Variants in ETV1 observed in about 807,000 individuals in gnomAD.
ETV1 encodes ETS variant transcription factor 1.
A neutral mutation model predicts 62.3 loss-of-function variants in ETV1; 27 were observed. The ratio of observed to expected loss-of-function variants is 0.43; its 90% confidence interval spans 0.32 to 0.60. ETV1 has a LOEUF of 0.60. ETV1 is among the 20% of genes least tolerant of loss of function. The pLI is 0.06. For synonymous variants in ETV1, 222 were observed against 199.6 expected (o/e 1.11, Z -0.94); for missense variants, 605 against 605.8 (o/e 1.00, Z 0.01).
At chr7:13,979,831 T>C (rs1781813816) in intron 5 of ETV1, among the ~76,000 whole-genome samples, 1 of 152,042 alleles carries the variant, frequency 6.6e-6, no homozygotes, top group African/African-American at 2.4e-5. Flanking sequence ...GTTCTAAAGG[T>C]CTTTTGTTTG....
chr7:13,947,405 AAAAC>A (rs1320970131), intron 6 of ETV1, among the ~76,000 whole-genome samples: 1 of 151,788 alleles, frequency 6.6e-6, no homozygotes, highest in Admixed American at 6.6e-5. Flanking sequence ...AAAAAAAAAA[AAAAC>A]AAACTCAAAC....
chr7:13,900,076 C>G (rs1175908492), intron 13 of ETV1, among the ~76,000 whole-genome samples: 3 of 152,196 alleles, frequency 2.0e-5, no homozygotes. Context: ...TTGCAGTGAA[C>G]CAAGATCACG....
At chr7:13,916,688 G>C (rs1482454710) in intron 9 of ETV1, among the ~76,000 whole-genome samples, 3 of 152,104 alleles carry the variant, frequency 2.0e-5, no homozygotes, top group Non-Finnish European at 4.4e-5. Flanking sequence ...TGGCACTTTG[G>C]GAGGCCGAGG....
intron 5 of ETV1, chr7:13,986,150 G>C: frequency 6.3e-7 from 1 of 1,594,306 alleles, no homozygotes; most frequent in South Asian, 1.1e-5. Flanking sequence ...GTGGAAAGAA[G>C]ACACTTGCAC....
At chr7:13,948,503 G>C (rs1481806399) in intron 6 of ETV1, among the ~76,000 whole-genome samples, 2 of 152,146 alleles carry the variant, frequency 1.3e-5, no homozygotes, top group Non-Finnish European at 2.9e-5. Flanking sequence ...ATAGTCTTCT[G>C]TATGCTGTTC....
At chr7:13,927,453 A>G (rs756334853) in intron 9 of ETV1, among the ~76,000 whole-genome samples, 11 of 152,212 alleles carry the variant, frequency 7.2e-5, no homozygotes, top group Non-Finnish European at 1.6e-4. Flanking sequence ...CTACATCTCA[A>G]AATACAAATA....
At chr7:13,984,117 C>T (rs1030193447) in intron 5 of ETV1, among the ~76,000 whole-genome samples, 4 of 151,856 alleles carry the variant, frequency 2.6e-5, no homozygotes, top group African/African-American at 9.7e-5. Flanking sequence ...TGACAACTAA[C>T]TTGACTCTTA....
chr7:13,932,501 A>C (rs565848318), intron 8 of ETV1, among the ~76,000 whole-genome samples: 2 of 152,330 alleles, frequency 1.3e-5, no homozygotes, highest in Admixed American at 6.5e-5. Flanking sequence ...TGAAAATAAC[A>C]TATAGTGTTG....
intron 6 of ETV1, among the ~76,000 whole-genome samples, chr7:13,955,979 A>G (rs550410535): frequency 2.0e-5 from 3 of 152,304 alleles, no homozygotes; most frequent in Non-Finnish European, 4.4e-5. Context: ...TTTAAAATGA[A>G]CAGTTACTGA....
intron 11 of ETV1, among the ~76,000 whole-genome samples, chr7:13,909,398 T>A (rs1042819614): frequency 3.3e-5 from 5 of 152,174 alleles, no homozygotes; most frequent in African/African-American, 1.2e-4. Flanking sequence ...GCAAGAATGA[T>A]GCTCTTTGTC....
At chr7:13,919,905 A>T (rs1217122959) in intron 9 of ETV1, among the ~76,000 whole-genome samples, 1 of 152,158 alleles carries the variant, frequency 6.6e-6, no homozygotes, top group Non-Finnish European at 1.5e-5. Context: ...AGAGAGAGAG[A>T]GAGAGAAGAG....
At chr7:13,964,318 G>C (rs1407600391) in intron 6 of ETV1, among the ~76,000 whole-genome samples, 1 of 152,084 alleles carries the variant, frequency 6.6e-6, no homozygotes, top group Non-Finnish European at 1.5e-5. Flanking sequence ...ACCATGTTCG[G>C]TGGCCTTGAT....
intron 12 of ETV1, among the ~76,000 whole-genome samples, chr7:13,904,284 T>C (rs1166641127): frequency 1.3e-5 from 2 of 152,230 alleles, no homozygotes; most frequent in Non-Finnish European, 2.9e-5. Flanking sequence ...TGGTTATTAT[T>C]TGGAAACGCT....
At chr7:13,929,301 C>T (rs1445232541) in intron 9 of ETV1, among the ~76,000 whole-genome samples, 3 of 152,106 alleles carry the variant, frequency 2.0e-5, no homozygotes, top group Non-Finnish European at 4.4e-5. Context: ...GTCCCTGGGG[C>T]AAAAATTCAA....
intron 9 of ETV1, among the ~76,000 whole-genome samples, chr7:13,917,381 G>A (rs563338405): frequency 6.6e-6 from 1 of 151,572 alleles, no homozygotes; most frequent in Admixed American, 6.6e-5. Context: ...GTAACGGTGC[G>A]ATCTCAGCTC....
rs200323117 is a variant in ETV1 at position 13,982,236 on chromosome 7, CTCTAATGCTACAGAGG to C, written c.181+4386_181+4401del. On this transcript the variant is annotated intron_variant, in intron 5 of 13. Coordinates refer to ENST00000430479, the MANE Select transcript of ETV1 (RefSeq NM_004956.5). ...GCCGTTGTTTCTAGCCAAATATTTT[CTCTAATGCTACAGAGG>C]TCTGACTCTATTATTATTTTTTATT... is the stretch of plus-strand genomic sequence containing the variant. Among the ~76,000 whole-genome samples, 576 of 152,096 alleles carry C rather than the reference CTCTAATGCTACAGAGG, an allele frequency of 3.8e-3. 10 individuals carry two copies. The highest frequency in any genetic ancestry group is 0.031 in the Admixed American group (470 of 15,264).
intron 6 of ETV1, among the ~76,000 whole-genome samples, chr7:13,953,876 G>A (rs879264622): frequency 7.9e-5 from 12 of 152,124 alleles, no homozygotes; most frequent in Admixed American, 2.6e-4. Context: ...ATAAACAGAC[G>A]ATAGTGGATG....
chr7:13,923,790 T>C (rs1239678750), intron 9 of ETV1, among the ~76,000 whole-genome samples: 4 of 152,226 alleles, frequency 2.6e-5, no homozygotes, highest in South Asian at 4.1e-4. Flanking sequence ...CCCAGCATTC[T>C]GGGAGGCTGA....
At chr7:13,936,445 C>A (rs1049166117) in intron 7 of ETV1, among the ~76,000 whole-genome samples, 2 of 151,940 alleles carry the variant, frequency 1.3e-5, no homozygotes, top group African/African-American at 4.8e-5. Flanking sequence ...ATTAACTTCC[C>A]CACATGGGAT....
Sources: gnomAD v4.1 joint callset for allele counts (sites outside exome capture counted in the v4.1 genomes callset) on GRCh38, gnomAD v4.1.1 for gene constraint, MANE v1.5 for transcripts, NCBI Gene and HGNC (gene_info 2026-07-23, HGNC 2026-07-21) for gene names.